Variants in ZFHX4 observed in about 807,000 individuals in gnomAD.
ZFHX4 encodes zinc finger homeobox protein 4.
In ZFHX4, 56 loss-of-function variants were observed where a neutral mutation model predicts 267.6. That is an observed-to-expected ratio of 0.21 (90% confidence interval 0.17 to 0.26). ZFHX4 has a LOEUF of 0.26. ZFHX4 is among the 10% of genes least tolerant of loss of function. The probability of loss-of-function intolerance (pLI) is 1.00; values close to 1 mark genes in which losing one functional copy is unlikely to be tolerated. For synonymous variants in ZFHX4, 1,778 were observed against 1,665.6 expected (o/e 1.07, Z -1.64); for missense variants, 4,332 against 4,420.0 (o/e 0.98, Z 0.56).
intron 6 of ZFHX4, among the ~76,000 whole-genome samples, chr8:76,845,742 G>A (rs1009447177): frequency 2.6e-5 from 4 of 151,778 alleles, no homozygotes; most frequent in Non-Finnish European, 2.9e-5. Context: ...TTAAGAAGGC[G>A]GCATCTGCAT....
chr8:76,771,999 G>GTT (rs1377765433), intron 3 of ZFHX4, among the ~76,000 whole-genome samples: 1 of 152,114 alleles, frequency 6.6e-6, no homozygotes, highest in African/African-American at 2.4e-5. Flanking sequence ...AAGCATAGGG[G>GTT]TTTGCCTGAC....
At chr8:76,787,638 T>TG (rs1371747635) in intron 4 of ZFHX4, among the ~76,000 whole-genome samples, 106 of 62,208 alleles carry the variant, frequency 1.7e-3, no homozygotes, top group African/African-American at 5.5e-3. Context: ...CCATCTCCAC[T>TG]AAAAAAAAAA....
chr8:76,774,301 A>G (rs1411848567), intron 3 of ZFHX4, among the ~76,000 whole-genome samples: 1 of 152,174 alleles, frequency 6.6e-6, no homozygotes, highest in African/African-American at 2.4e-5. Flanking sequence ...TCAGGAAGAA[A>G]TGAGTGTGGT....
chr8:76,687,185 CTAATT>C (rs1010029279), intron 1 of ZFHX4, among the ~76,000 whole-genome samples: 8 of 152,308 alleles, frequency 5.3e-5, no homozygotes, highest in African/African-American at 1.7e-4. Flanking sequence ...AACTAGCTAT[CTAATT>C]TAACTCATAC....
intron 6 of ZFHX4, among the ~76,000 whole-genome samples, chr8:76,845,083 T>C (rs557855710): frequency 5.9e-5 from 9 of 152,262 alleles, no homozygotes; most frequent in African/African-American, 2.2e-4. Flanking sequence ...TAACATAGAA[T>C]TTTTTAGACA....
At chr8:76,788,697 C>T (rs947389669) in intron 4 of ZFHX4, among the ~76,000 whole-genome samples, 3 of 152,172 alleles carry the variant, frequency 2.0e-5, no homozygotes, top group East Asian at 1.9e-4. Context: ...ATGCTGTTCA[C>T]AGCCACTTAC....
chr8:76,785,664 C>T (rs192616487), intron 4 of ZFHX4, among the ~76,000 whole-genome samples: 9 of 152,148 alleles, frequency 5.9e-5, no homozygotes, highest in East Asian at 5.8e-4. Context: ...ACATACTTGA[C>T]GGCAGCTATT....
rs377237830 is a variant in ZFHX4, at chr8:76,842,701, G to A, written c.3441G>A (p.Val1147=). 1.1e-4 allele frequency: 177 copies of A among 1,554,312 alleles called. No individual in the cohort carries two copies. The Middle Eastern group carries it at 2.5e-3, about 22-fold the overall frequency. The change falls in exon 6 of 11, where the codon GTG becomes GTA. Residue 1147 remains valine, a synonymous_variant. Transcript: ENST00000651372. ...AAGGAGCTATTAAGCCTACAGCAGT[G>A]GCCGAGGACGATGAAAAAGACACAA... ...EAEGAIKPTA[V]AEDDEKDTSE...
At chr8:76,822,738 G>A (rs1401863749) in intron 4 of ZFHX4, among the ~76,000 whole-genome samples, 3 of 151,922 alleles carry the variant, frequency 2.0e-5, no homozygotes, top group Non-Finnish European at 2.9e-5. Context: ...ACCACTCCCA[G>A]CTCCTCTTTG....
intron 9 of ZFHX4, 22 bp from the exon 10 acceptor site, chr8:76,850,864 T>C (rs1184701824): frequency 1.3e-6 from 2 of 1,542,016 alleles, no homozygotes; most frequent in South Asian, 2.5e-5. Flanking sequence ...GTAAGAGAGA[T>C]GTTTGTGCTT....
At chr8:76,848,663 A>G (rs1318662670) in intron 6 of ZFHX4, among the ~76,000 whole-genome samples, 4 of 152,182 alleles carry the variant, frequency 2.6e-5, no homozygotes, top group African/African-American at 4.8e-5. Flanking sequence ...TTTTTAAGTT[A>G]GTATTTGTGA....
rs1812540460 is a variant in ZFHX4 at position 76,851,977 on chromosome 8, C to G, written c.5056C>G (p.His1686Asp). 2 of 1,613,848 alleles carry G rather than the reference C, an allele frequency of 1.2e-6. No individual in the cohort carries two copies. The highest frequency in any genetic ancestry group is 2.7e-5 in the African/African-American group (2 of 74,916). The change falls in exon 10 of 11, where the codon CAC (histidine) becomes GAC (aspartate). Residue 1686 changes from histidine to aspartate, a missense_variant. Physicochemically the swap from His to Asp is moderately conservative, Grantham distance 81. Transcript: ENST00000651372. ...TTTAATCTCTGCTCAACCTGCACAT[C>G]ACCCACCACAGTCACCAGCACAAAT... is the stretch of plus-strand genomic sequence containing the variant. ...PDLISAQPAH[H>D]PPQSPAQIQM...
intron 10 of ZFHX4, among the ~76,000 whole-genome samples, chr8:76,861,419 CA>C (rs1812863805): frequency 6.6e-6 from 1 of 152,124 alleles, no homozygotes; most frequent in Non-Finnish European, 1.5e-5. Flanking sequence ...AGCAGTTCCC[CA>C]TTGCCATTAA....
At position 76,835,482 on chromosome 8, in the gene ZFHX4, A is replaced by G. The variant is rs1812069978; in HGVS notation, c.3394+2076A>G. On this transcript the variant is annotated intron_variant, in intron 5 of 10. Transcript: ENST00000651372. ...ATTACCAAAGTCCTTTGCATTCACA[A>G]TGGTATATTGGAATACTTAAAATAA... Among the ~76,000 whole-genome samples the G allele has an allele frequency of 3.3e-5, 5 of 151,680 alleles. No homozygotes were observed. The South Asian group carries it at 1.0e-3, about 31-fold the overall frequency.
Position 76,856,541 on chromosome 8 carries a change from A to G in ZFHX4, c.9379+241A>G, listed in dbSNP as rs76664349. On this transcript the variant is annotated intron_variant, in intron 10 of 10. Transcript: ENST00000651372. The stretch of plus-strand genomic sequence containing the variant: ...GCAGATTCTCAGATATATATTAATT[A>G]TTTGTATCATTACAGCTCCATGTCA... 1.8e-3 allele frequency among the ~76,000 whole-genome samples: 268 copies of G among 152,288 alleles called. 4 individuals are homozygous for G. In the East Asian group the frequency reaches 0.033, roughly 18 times the overall value.
chr8:76,844,121 A>G (rs1318952104), intron 6 of ZFHX4, among the ~76,000 whole-genome samples: 1 of 152,186 alleles, frequency 6.6e-6, no homozygotes, highest in Non-Finnish European at 1.5e-5. Context: ...AGAAGTACCT[A>G]GTGATAAGTT....
intron 4 of ZFHX4, among the ~76,000 whole-genome samples, chr8:76,829,872 CCATTTGGGT>C (rs1811888211): frequency 6.6e-6 from 1 of 152,074 alleles, no homozygotes; most frequent in South Asian, 2.1e-4. Context: ...GTAGATGTAA[CCATTTGGGT>C]TACGCTAAAG....
At chr8:76,827,977 A>T (rs1811831269) in intron 4 of ZFHX4, among the ~76,000 whole-genome samples, 1 of 152,230 alleles carries the variant, frequency 6.6e-6, no homozygotes, top group Non-Finnish European at 1.5e-5. Flanking sequence ...AACAAAGATG[A>T]TGTTGCTTGG....
At chr8:76,714,045 G>A (rs1808501210) in intron 3 of ZFHX4, among the ~76,000 whole-genome samples, 1 of 152,082 alleles carries the variant, frequency 6.6e-6, no homozygotes, top group Non-Finnish European at 1.5e-5. Flanking sequence ...TGTGTAACTT[G>A]TGTTCATTCT....
Sources: allele counts gnomAD v4.1 joint callset (sites outside exome capture counted in the v4.1 genomes callset), GRCh38; gene constraint gnomAD v4.1.1; transcripts MANE v1.5; gene names NCBI Gene and HGNC (gene_info 2026-07-23, HGNC 2026-07-21).